Variants in MON2 observed in about 807,000 individuals in gnomAD.
MON2 encodes protein MON2 homolog.
MON2 carries 84 observed loss-of-function variants against 208.6 expected under a neutral mutation model. The observed-to-expected ratio is 0.40, with a 90% CI of 0.34 to 0.48. MON2 has a LOEUF of 0.48. Among genes scored for constraint, MON2 ranks in the 20% least tolerant of loss-of-function variants. The pLI, the probability that MON2 is intolerant of heterozygous loss-of-function variation, is 0.59. For synonymous variants in MON2, 660 were observed against 694.0 expected, an observed-to-expected ratio of 0.95 and a Z score of 0.77; for missense variants, 1,611 against 2,015.4, an observed-to-expected ratio of 0.80 and a Z score of 3.84.
chr12:62,563,671 A>G (rs567001979), intron 26 of MON2, among the ~76,000 whole-genome samples: 1 of 152,250 alleles, frequency 6.6e-6, no homozygotes, highest in African/African-American at 2.4e-5. Flanking sequence ...TATGCATTTT[A>G]AAGTCCCCAA....
At chr12:62,486,496 C>G (rs10784299) in intron 2 of MON2, among the ~76,000 whole-genome samples, 56,501 of 151,726 alleles carry the variant, frequency 0.37, 10,741 homozygotes, top group African/African-American at 0.42. Context: ...TATCCAGAGC[C>G]CATATACTTG....
At chr12:62,549,885 TTGGG>T in intron 23 of MON2, 55 bp downstream of exon 23, 1 of 1,214,788 alleles carries the variant, frequency 8.2e-7, no homozygotes, top group Non-Finnish European at 1.1e-6. Flanking sequence ...TGTTATTCAG[TTGGG>T]AGTGAATGCT....
At chr12:62,494,655 T>G (rs886271070) in intron 3 of MON2, among the ~76,000 whole-genome samples, 1 of 152,220 alleles carries the variant, frequency 6.6e-6, no homozygotes, top group Non-Finnish European at 1.5e-5. Context: ...AAATGAAGTA[T>G]TTGTATCTGA....
intron 30 of MON2, among the ~76,000 whole-genome samples, chr12:62,573,443 C>T (rs2074671650): frequency 6.7e-6 from 1 of 149,176 alleles, no homozygotes; most frequent in East Asian, 2.0e-4. Flanking sequence ...TATTGCTTTC[C>T]CTAGCAAGGT....
At position 62,564,497 on chromosome 12, in the gene MON2, GA is replaced by G. The variant is rs200141142; in HGVS notation, c.4033-731del. Among the ~76,000 whole-genome samples the G allele has an allele frequency of 2.7e-3, 407 of 148,794 alleles. 4 individuals carry two copies. The highest frequency in any genetic ancestry group is 9.3e-3 in the African/African-American group (378 of 40,682). On this transcript the variant is annotated intron_variant, in intron 26 of 34. Transcript: ENST00000393630. Reference sequence around the variant, plus strand: ...ATACGAAAAGAAAAATTTGTGGCTAGAAAAAAAAACCCAATTTAAGTATTTT... The same window carrying G: ...ATACGAAAAGAAAAATTTGTGGCTAGAAAAAAAACCCAATTTAAGTATTTT...
At chr12:62,564,136 A>G (rs1486469010) in intron 26 of MON2, among the ~76,000 whole-genome samples, 2 of 152,124 alleles carry the variant, frequency 1.3e-5, no homozygotes, top group East Asian at 1.9e-4. Context: ...GAGCACTTGC[A>G]TATCTACTTT....
chr12:62,526,125 T>G, intron 11 of MON2, 23 bp downstream of exon 11: 1 of 1,605,804 alleles, frequency 6.2e-7, no homozygotes, highest in Non-Finnish European at 8.5e-7. Context: ...AGCATTATTT[T>G]ATAAGGAATG....
rs1180625546 is a variant in MON2 at position 62,600,166 on chromosome 12, T to G, written c.*7417T>G. 6.6e-6 allele frequency: 1 copy of G among 152,192 alleles called. No homozygotes were observed. Among genetic ancestry groups the G allele is most frequent in the Non-Finnish European group, 1.5e-5 (1 of 68,040 alleles). The allele number at this position is 152,192 out of a possible 1,614,324, so 9.4% of individuals were successfully genotyped here. A position where few individuals can be genotyped will look rare whatever the true frequency, so the allele number is the denominator to read the frequency against. On this transcript the variant is annotated 3_prime_UTR_variant, in exon 35 of 35. Transcript: ENST00000393630. ...GTATTTAACAGAATTCAAAATGTAG[T>G]GTGTTCTAAAGCGCTGTGCCTGGAG...
chr12:62,473,194 A>C (rs1000477492), intron 1 of MON2, among the ~76,000 whole-genome samples: 1 of 152,186 alleles, frequency 6.6e-6, no homozygotes, highest in African/African-American at 2.4e-5. Flanking sequence ...TTGCCTTCCC[A>C]CTAGGCTTGG....
intron 11 of MON2, among the ~76,000 whole-genome samples, chr12:62,532,065 G>A (rs908011669): frequency 1.4e-4 from 21 of 152,134 alleles, no homozygotes; most frequent in African/African-American, 4.8e-4. Flanking sequence ...CACCACGCCC[G>A]GCCAATGGCA....
At chr12:62,472,941 G>T (rs2068869191) in intron 1 of MON2, among the ~76,000 whole-genome samples, 1 of 152,082 alleles carries the variant, frequency 6.6e-6, no homozygotes, top group South Asian at 2.1e-4. Flanking sequence ...AAAAATAAAA[G>T]ACATATTCTC....
In MON2 at chr12:62,484,208, T is replaced by C. The variant is rs2069621764; in HGVS notation, c.150T>C (p.Ala50=). ...GAATAATAAAAGTTAAAACAATTGCTGCACGAAACACTGAAATTTTGGCAG... is the reference window on the plus strand; with the variant it reads ...GAATAATAAAAGTTAAAACAATTGCCGCACGAAACACTGAAATTTTGGCAG... The part of the protein sequence containing the change: ...ESGIIKVKTI[A]ARNTEILAAL... Residue 50 remains alanine (A), a synonymous_variant, in exon 2 of 35, where the codon GCT becomes GCC. Transcript: ENST00000393630. The C allele has an allele frequency of 6.2e-7, 1 of 1,601,998 alleles. No homozygotes were observed. The highest frequency in any genetic ancestry group is 8.5e-7 in the Non-Finnish European group (1 of 1,175,182).
At chr12:62,566,067 G>A (rs751108088) in intron 28 of MON2, 36 bp downstream of exon 28, 24 of 1,588,984 alleles carry the variant, frequency 1.5e-5, no homozygotes, top group Non-Finnish European at 1.9e-5. Flanking sequence ...CTAACCTCTT[G>A]GCAACAAATA....
At chr12:62,470,520 G>C (rs538509678) in intron 1 of MON2, among the ~76,000 whole-genome samples, 1 of 152,148 alleles carries the variant, frequency 6.6e-6, no homozygotes, top group Admixed American at 6.5e-5. Flanking sequence ...TAGTACAACT[G>C]TACTAGCTAA....
At chr12:62,524,422 G>T in intron 8 of MON2, 93 bp from the exon 9 acceptor site, 8 of 948,564 alleles carry the variant, frequency 8.4e-6, no homozygotes, top group South Asian at 1.9e-5. Context: ...GATTTTATTG[G>T]TTTGTCCATA....
At chr12:62,480,611 G>A (rs1221329980) in intron 1 of MON2, among the ~76,000 whole-genome samples, 1 of 152,150 alleles carries the variant, frequency 6.6e-6, no homozygotes. Context: ...TTGTGTGTTT[G>A]CATAAAGATA....
Position 62,585,301 on chromosome 12 carries a change from G to T in MON2, c.4707G>T (p.Glu1569Asp). The T allele has an allele frequency of 6.2e-7, 1 of 1,611,622 alleles. No individual in the cohort carries two copies. The highest frequency in any genetic ancestry group is 8.5e-7 in the Non-Finnish European group (1 of 1,178,268). ...HSQSSSFTEA[E>D]IDIRLREEFS... Reference sequence around the variant, plus strand: ...AATTTGTTAATTTTACAGAAGCAGAGATTGATATTCGTTTGAGAGAGGAAT... The same window carrying T: ...AATTTGTTAATTTTACAGAAGCAGATATTGATATTCGTTTGAGAGAGGAAT... The change falls in exon 33 of 35, where the codon GAG (glutamate) becomes GAT (aspartate). Residue 1569 changes from glutamate to aspartate, a missense_variant. Glu to Asp is a conservative substitution (Grantham distance 45). Coordinates refer to ENST00000393630, the MANE Select transcript of MON2 (RefSeq NM_015026.3).
intron 30 of MON2, among the ~76,000 whole-genome samples, chr12:62,573,607 T>C: frequency 6.6e-6 from 1 of 151,800 alleles, no homozygotes; most frequent in Admixed American, 6.5e-5. Context: ...TTATATAATT[T>C]TGTATTAATG....
At chr12:62,543,870 A>G (rs1215747390) in intron 20 of MON2, among the ~76,000 whole-genome samples, 1 of 152,120 alleles carries the variant, frequency 6.6e-6, no homozygotes, top group Non-Finnish European at 1.5e-5. Context: ...TGGTCTCCCA[A>G]AGTGCTTGGA....
Sources: allele counts gnomAD v4.1 joint callset (sites outside exome capture counted in the v4.1 genomes callset), GRCh38; gene constraint gnomAD v4.1.1; transcripts MANE v1.5; gene names NCBI Gene and HGNC (gene_info 2026-07-23, HGNC 2026-07-21).